Variants in DAZL observed in about 807,000 individuals in gnomAD.
DAZL encodes deleted in azoospermia like, also known as deleted in azoospermia-like.
A neutral mutation model predicts 45.0 loss-of-function variants in DAZL; 4 were observed. The observed-to-expected ratio is 0.09, with a 90% CI of 0.04 to 0.20. The LOEUF is 0.20. DAZL is among the 10% of genes least tolerant of loss of function. The probability of loss-of-function intolerance (pLI) is 1.00; values close to 1 mark genes in which losing one functional copy is unlikely to be tolerated. For missense variants in DAZL, 326 were observed against 351.3 expected (o/e 0.93, Z 0.58); for synonymous variants, 122 against 112.4 (o/e 1.09, Z -0.54).
At position 16,596,879 on chromosome 3, in the gene DAZL, A is replaced by C. The variant is rs1694608408; in HGVS notation, c.369T>G (p.His123Gln). Reference sequence around the variant, plus strand: ...TAAAAACCAAAGGACGTGGCTGCACATGATAAGCACCTTTTTGAAAAGCAA... The same window carrying C: ...TAAAAACCAAAGGACGTGGCTGCACCTGATAAGCACCTTTTTGAAAAGCAA... ...AIRKQNLCAY[H>Q]VQPRPLVFNH... Residue 123 changes from histidine (H) to glutamine (Q), a missense_variant, in exon 6 of 11, where the codon CAT (histidine) becomes CAG (glutamine). His to Gln is a conservative substitution (Grantham distance 24, BLOSUM62 0). This residue lies in a region of DAZL where 227 missense variants were observed against 216.6 expected (regional missense o/e 1.05). Transcript: ENST00000399444. The C allele has an allele frequency of 1.9e-6, 3 of 1,613,734 alleles. No homozygotes were observed. Among genetic ancestry groups the C allele is most frequent in the Admixed American group, 3.3e-5 (2 of 59,994 alleles).
intron 6 of DAZL, among the ~76,000 whole-genome samples, chr3:16,596,487 T>C (rs546428570): frequency 6.1e-4 from 90 of 147,718 alleles, no homozygotes; most frequent in South Asian, 4.4e-3. Flanking sequence ...GAACTAGTTA[T>C]ATGGGGGGAA....
intron 1 of DAZL, among the ~76,000 whole-genome samples, chr3:16,600,357 C>T (rs189048862): frequency 2.0e-5 from 3 of 152,312 alleles, no homozygotes; most frequent in Non-Finnish European, 4.4e-5. Context: ...ATTGTCAAAT[C>T]AACTAAAGCT....
At chr3:16,604,679 C>T (rs1371361619) in intron 1 of DAZL, 49 of 1,357,230 alleles carry the variant, frequency 3.6e-5, no homozygotes, top group Non-Finnish European at 3.8e-5. Context: ...AAGGAAGCTC[C>T]GGCCCTCGAA....
chr3:16,602,375 G>T lies in DAZL; in HGVS notation c.3+2828C>A, dbSNP rs187942157. 3.6e-3 allele frequency among the ~76,000 whole-genome samples: 549 copies of T among 152,244 alleles called. 1 individual carries two copies. The highest frequency in any genetic ancestry group is 6.0e-3 in the Non-Finnish European group (406 of 67,994). On this transcript the variant is annotated intron_variant, in intron 1 of 10. Coordinates refer to ENST00000399444, the MANE Select transcript of DAZL (RefSeq NM_001351.4). ...GATACCTGGCTCAGTTTCCGTGGGA[G>T]TTTTTTCAACTTGTAAAGAAATAGA...
Position 16,593,758 on chromosome 3 carries a change from G to A in DAZL, c.632C>T (p.Ala211Val). ...RSYVVPPAYSAVNYHCNEVDP... is the reference protein window; with the variant it reads ...RSYVVPPAYSVVNYHCNEVDP... ...AACTTCATTACAGTGGTAGTTAACA[G>A]CTGAATAAGCCTATATTTAAAATAA... Residue 211 changes from alanine to valine, a missense_variant, in exon 9 of 11, where the codon GCT (alanine) becomes GTT (valine). Physicochemically the swap from Ala to Val is moderately conservative, Grantham distance 64 (BLOSUM62 0). Transcript: ENST00000399444. The A allele has an allele frequency of 6.2e-7, 1 of 1,600,986 alleles. No individual in the cohort carries two copies. The highest frequency in any genetic ancestry group is 1.1e-5 in the South Asian group (1 of 90,522).
At chr3:16,595,802 C>T (rs950559470) in intron 6 of DAZL, among the ~76,000 whole-genome samples, 5 of 152,000 alleles carry the variant, frequency 3.3e-5, no homozygotes, top group African/African-American at 1.2e-4. Context: ...AATATGTAGT[C>T]CTCCTACAGA....
chr3:16,595,786 T>C (rs1694590433), intron 6 of DAZL, among the ~76,000 whole-genome samples: 1 of 152,102 alleles, frequency 6.6e-6, no homozygotes, highest in Non-Finnish European at 1.5e-5. Flanking sequence ...GACAATATTA[T>C]AGGGTAATAT....
Position 16,588,326 on chromosome 3 carries a change from T to C in DAZL, c.*334A>G, listed in dbSNP as rs1399580108. Reference sequence around the variant, plus strand: ...TTCAGACCAACAAAATTCTGACCTTTCAAAATAGGTTTTTAAAAACATTTT... The same window carrying C: ...TTCAGACCAACAAAATTCTGACCTTCCAAAATAGGTTTTTAAAAACATTTT... On this transcript the variant is annotated 3_prime_UTR_variant, in exon 11 of 11. Transcript: ENST00000399444. 6 of 314,908 alleles carry C rather than the reference T, an allele frequency of 1.9e-5. No individual in the cohort carries two copies. In the East Asian group the frequency reaches 3.9e-4, roughly 20 times the overall value. 19.5% of individuals were successfully genotyped at this position (314,908 alleles called of 1,614,324 possible). A position where few individuals can be genotyped will look rare whatever the true frequency, so the allele number is the denominator to read the frequency against.
chr3:16,594,713 TG>T, intron 7 of DAZL, 130 bp from the exon 8 acceptor site: 3 of 578,144 alleles, frequency 5.2e-6, no homozygotes, highest in Non-Finnish European at 8.6e-6. Context: ...AGAAACAGAA[TG>T]AAAAAAAAGT....
Position 16,586,909 on chromosome 3 carries a change from C to CT in DAZL, c.*1750dup, listed in dbSNP as rs1694446310. On this transcript the variant is annotated 3_prime_UTR_variant, in exon 11 of 11. Transcript: ENST00000399444. ...CATTTTGAAAGGTTCAGGACTTTAT[C>CT]TTTTTTACCCTTACTCTTTTAAATG... The CT allele has an allele frequency of 6.6e-6, 1 of 152,062 alleles. No homozygotes were observed. The highest frequency in any genetic ancestry group is 1.5e-5 in the Non-Finnish European group (1 of 67,978). 9.4% of individuals were successfully genotyped at this position (152,062 alleles called of 1,614,324 possible).
chr3:16,604,378 G>GA (rs1404730572), intron 1 of DAZL: 1 of 1,396,670 alleles, frequency 7.2e-7, no homozygotes, highest in African/African-American at 1.4e-5. Context: ...TATCGAGAGG[G>GA]AAAAAACCGT....
chr3:16,594,714 GA>G (rs967121705), intron 7 of DAZL, 131 bp from the exon 8 acceptor site: 280 of 556,388 alleles, frequency 5.0e-4, no homozygotes, highest in Non-Finnish European at 7.4e-4. Flanking sequence ...GAAACAGAAT[GA>G]AAAAAAAGTA....
intron 4 of DAZL, among the ~76,000 whole-genome samples, 170 bp downstream of exon 4, chr3:16,597,320 C>T (rs960257914): frequency 2.6e-5 from 4 of 152,094 alleles, no homozygotes; most frequent in African/African-American, 7.2e-5. Context: ...ACCTAGGTGC[C>T]CAGTCAAAAA....
rs149243225 is a variant in DAZL, at chr3:16,588,103, C to T, written c.*557G>A. The T allele has an allele frequency of 0.023, 3,648 of 159,528 alleles. 63 individuals carry two copies. Among genetic ancestry groups the T allele is most frequent in the South Asian group, 0.063 (323 of 5,164 alleles). 9.9% of individuals were successfully genotyped at this position (159,528 alleles called of 1,614,324 possible). A position where few individuals can be genotyped will look rare whatever the true frequency, so the allele number is the denominator to read the frequency against. On this transcript the variant is annotated 3_prime_UTR_variant, in exon 11 of 11. Coordinates refer to ENST00000399444, the MANE Select transcript of DAZL (RefSeq NM_001351.4). ...CATATGACCCACTGATTGGACTGTTCGCTTTGAATCTGTTTTGCTGGGTTT... is the reference window on the plus strand; with the variant it reads ...CATATGACCCACTGATTGGACTGTTTGCTTTGAATCTGTTTTGCTGGGTTT...
Position 16,597,610 on chromosome 3 carries a change from T to A in DAZL, c.243-69A>T. 3 of 950,800 alleles carry A rather than the reference T, an allele frequency of 3.2e-6. No individual in the cohort carries two copies. The South Asian group carries it at 3.9e-5, about 12-fold the overall frequency. 58.9% of individuals were successfully genotyped at this position (950,800 alleles called of 1,614,324 possible). A position where few individuals can be genotyped will look rare whatever the true frequency, so the allele number is the denominator to read the frequency against. ...TACATGGTTCAGAACTTCTACTATATACGGAAGTGATCATGACTAAAATAT... is the reference window on the plus strand; with the variant it reads ...TACATGGTTCAGAACTTCTACTATAAACGGAAGTGATCATGACTAAAATAT... On this transcript the variant is annotated intron_variant, in intron 3 of 10. Coordinates refer to ENST00000399444, the MANE Select transcript of DAZL (RefSeq NM_001351.4).
chr3:16,598,416 G>C, intron 2 of DAZL, 36 bp downstream of exon 2: 1 of 1,597,948 alleles, frequency 6.3e-7, no homozygotes, highest in Non-Finnish European at 8.5e-7. Context: ...TATTCATAAT[G>C]CATTTCAAGG....
chr3:16,604,800 G>A, intron 1 of DAZL: 1 of 1,334,326 alleles, frequency 7.5e-7, no homozygotes, highest in Non-Finnish European at 9.7e-7. Context: ...TGGGGGAGGG[G>A]CGGAGGCGCG....
rs2059743 is a variant in DAZL at position 16,587,814 on chromosome 3, A to T, written c.*846T>A. The T allele has an allele frequency of 0.73, 113,795 of 154,840 alleles. 42,140 individuals carry two copies. Among genetic ancestry groups the T allele is most frequent in the African/African-American group, 0.83 (34,609 of 41,568 alleles). The allele number at this position is 154,840 out of a possible 1,614,324, so 9.6% of individuals were successfully genotyped here. On this transcript the variant is annotated 3_prime_UTR_variant, in exon 11 of 11. Coordinates refer to ENST00000399444, the MANE Select transcript of DAZL (RefSeq NM_001351.4). Reference sequence around the variant, plus strand: ...TCAGATACTCTGATTAACCTCTAAGAGACATAAAAAAGTTGCAGCATTCTT... The same window carrying T: ...TCAGATACTCTGATTAACCTCTAAGTGACATAAAAAAGTTGCAGCATTCTT...
In DAZL at chr3:16,601,429, C is replaced by G. The variant is rs138619743; in HGVS notation, c.4-2831G>C. 3.3e-3 allele frequency among the ~76,000 whole-genome samples: 508 copies of G among 152,292 alleles called. 1 individual carries two copies. Among genetic ancestry groups the G allele is most frequent in the African/African-American group, 0.01 (418 of 41,544 alleles). ...AAGGAGGCACCATCATGTCCTAGTT[C>G]TCAGCCAGCAGGTGGCGCTCAAAGC... On this transcript the variant is annotated intron_variant, in intron 1 of 10. Transcript: ENST00000399444.
Sources: gnomAD v4.1 joint callset for allele counts (sites outside exome capture counted in the v4.1 genomes callset) on GRCh38, gnomAD v4.1.1 for gene constraint, gnomAD v4.1.1 regional missense constraint, MANE v1.5 for transcripts, NCBI Gene and HGNC (gene_info 2026-07-23, HGNC 2026-07-21) for gene names.